The following SGCZ variants were observed in gnomAD, a reference collection of about 807,000 sequenced individuals.
SGCZ encodes zeta-sarcoglycan.
In SGCZ, 40 loss-of-function variants were observed where a neutral mutation model predicts 41.3. The observed-to-expected ratio is 0.97, with a 90% confidence interval of 0.75 to 1.26. The LOEUF (loss-of-function observed/expected upper bound fraction) is 1.26. Among genes scored for constraint, SGCZ ranks in the 50% most tolerant of loss-of-function variants. The probability of loss-of-function intolerance (pLI) is 0.00; values close to 1 mark genes in which losing one functional copy is unlikely to be tolerated. For synonymous variants in SGCZ, 206 were observed against 137.5 expected, an observed-to-expected ratio of 1.50 and a Z score of -3.49; for missense variants, 552 against 369.8, an observed-to-expected ratio of 1.49 and a Z score of -4.04.
chr8:14,290,978 G>A (rs1177808991), intron 3 of SGCZ, among the ~76,000 whole-genome samples: 2 of 152,088 alleles, frequency 1.3e-5, no homozygotes, highest in African/African-American at 2.4e-5. Flanking sequence ...AGAAAGTATT[G>A]TAAATATGTA....
chr8:14,315,289 T>C (rs13263675), intron 3 of SGCZ, among the ~76,000 whole-genome samples: 5 of 152,044 alleles, frequency 3.3e-5, no homozygotes, highest in South Asian at 2.1e-4. Flanking sequence ...TTACGTTATA[T>C]AGAAATCATT....
chr8:14,485,967 G>A (rs1240009978), intron 2 of SGCZ, among the ~76,000 whole-genome samples: 2 of 150,598 alleles, frequency 1.3e-5, no homozygotes, highest in Non-Finnish European at 1.5e-5. Context: ...TCAGCCTCCC[G>A]AGTAGCTGGG....
chr8:14,806,294 T>A (rs1161006438), intron 1 of SGCZ, among the ~76,000 whole-genome samples: 1 of 150,524 alleles, frequency 6.6e-6, no homozygotes. Context: ...ATCCAGGAGC[T>A]GGTTTTTTGA....
At chr8:14,592,496 CA>C (rs1255342735) in intron 1 of SGCZ, among the ~76,000 whole-genome samples, 2 of 151,852 alleles carry the variant, frequency 1.3e-5, no homozygotes, top group Non-Finnish European at 2.9e-5. Flanking sequence ...TTATCTCTTC[CA>C]AGTTTTTATG....
At chr8:14,441,465 C>T (rs551534457) in intron 2 of SGCZ, among the ~76,000 whole-genome samples, 24 of 152,294 alleles carry the variant, frequency 1.6e-4, no homozygotes, top group African/African-American at 5.5e-4. Context: ...ATCCCAACTA[C>T]TCAGGAGGCT....
intron 1 of SGCZ, among the ~76,000 whole-genome samples, chr8:15,128,204 G>A (rs1807774034): frequency 6.6e-6 from 1 of 152,128 alleles, no homozygotes; most frequent in African/African-American, 2.4e-5. Flanking sequence ...GGGAAGAAGA[G>A]TTATTTTCAG....
chr8:14,286,376 A>G (rs1221729115), intron 3 of SGCZ, among the ~76,000 whole-genome samples: 1 of 152,138 alleles, frequency 6.6e-6, no homozygotes, highest in Non-Finnish European at 1.5e-5. Flanking sequence ...ACCTCCAATT[A>G]CAATTCTAAT....
intron 3 of SGCZ, among the ~76,000 whole-genome samples, chr8:14,265,751 A>G (rs1288766768): frequency 1.3e-5 from 2 of 151,896 alleles, no homozygotes; most frequent in African/African-American, 4.8e-5. Context: ...TTATTTAAAA[A>G]GAAAAAAAAA....
At chr8:14,717,178 T>C (rs898175250) in intron 1 of SGCZ, among the ~76,000 whole-genome samples, 1 of 152,080 alleles carries the variant, frequency 6.6e-6, no homozygotes, top group African/African-American at 2.4e-5. Flanking sequence ...AAAATTTTTC[T>C]AGATAAATAA....
chr8:14,497,559 TA>T (rs1450123691), intron 2 of SGCZ, among the ~76,000 whole-genome samples: 1 of 143,216 alleles, frequency 7.0e-6, no homozygotes, highest in Non-Finnish European at 1.6e-5. Context: ...TGTGTGTGCG[TA>T]TGTGTGTGTG....
At chr8:15,014,140 C>A (rs549341538) in intron 1 of SGCZ, among the ~76,000 whole-genome samples, 1 of 152,276 alleles carries the variant, frequency 6.6e-6, no homozygotes, top group African/African-American at 2.4e-5. Context: ...CTCATGAAAC[C>A]CTTCAAGAAT....
intron 5 of SGCZ, among the ~76,000 whole-genome samples, chr8:14,116,286 G>C (rs1046963108): frequency 1.3e-5 from 2 of 152,032 alleles, no homozygotes; most frequent in African/African-American, 4.8e-5. Flanking sequence ...TACATAAACT[G>C]ACATATGAAA....
At chr8:14,478,767 C>T (rs753491290) in intron 2 of SGCZ, among the ~76,000 whole-genome samples, 2 of 152,160 alleles carry the variant, frequency 1.3e-5, no homozygotes, top group Non-Finnish European at 2.9e-5. Context: ...TTCACTATCA[C>T]GCTTTTTCAG....
intron 1 of SGCZ, among the ~76,000 whole-genome samples, chr8:15,035,001 A>C (rs540410809): frequency 6.6e-6 from 1 of 152,290 alleles, no homozygotes; most frequent in South Asian, 2.1e-4. Context: ...TTAGTAATGA[A>C]AACACCTGAA....
chr8:14,919,241 T>A (rs1229414692), intron 1 of SGCZ, among the ~76,000 whole-genome samples: 3 of 151,580 alleles, frequency 2.0e-5, no homozygotes, highest in Non-Finnish European at 2.9e-5. Context: ...GAGTTTGAGA[T>A]CAGCCTGGGT....
intron 4 of SGCZ, among the ~76,000 whole-genome samples, chr8:14,220,309 A>G (rs1251646754): frequency 6.6e-6 from 1 of 152,216 alleles, no homozygotes; most frequent in Non-Finnish European, 1.5e-5. Context: ...GTGGAGTATC[A>G]GAGACATAAT....
intron 2 of SGCZ, among the ~76,000 whole-genome samples, chr8:14,540,166 A>G (rs1803416148): frequency 6.6e-6 from 1 of 150,830 alleles, no homozygotes; most frequent in Non-Finnish European, 1.5e-5. Flanking sequence ...TTTTCGTTCA[A>G]AGATTGGTGC....
intron 1 of SGCZ, among the ~76,000 whole-genome samples, chr8:15,232,001 C>A (rs568949531): frequency 6.6e-6 from 1 of 152,246 alleles, no homozygotes; most frequent in Non-Finnish European, 1.5e-5. Context: ...TATCACAAAC[C>A]AAGCACAATT....
intron 2 of SGCZ, among the ~76,000 whole-genome samples, chr8:14,506,297 C>T (rs756552652): frequency 6.6e-6 from 1 of 152,152 alleles, no homozygotes; most frequent in Non-Finnish European, 1.5e-5. Flanking sequence ...TCTATCTTCT[C>T]TCTTGTTAAT....
Sources: gnomAD v4.1 joint callset for allele counts (sites outside exome capture counted in the v4.1 genomes callset) on GRCh38, gnomAD v4.1.1 for gene constraint, MANE v1.5 for transcripts, NCBI Gene and HGNC (gene_info 2026-07-23, HGNC 2026-07-21) for gene names.